The following CSGALNACT1 variants were observed in gnomAD, a reference collection of about 807,000 sequenced individuals.
CSGALNACT1 encodes beta4GalNAcT-1.
In CSGALNACT1, 52 loss-of-function variants were observed where a neutral mutation model predicts 51.0. That is an observed-to-expected ratio of 1.02 (90% CI 0.82 to 1.29). CSGALNACT1 has a LOEUF of 1.29. Ranked by LOEUF, CSGALNACT1 falls within the 50% of genes most tolerant of loss-of-function variation. The pLI is 0.00. For missense variants in CSGALNACT1, 935 were observed against 679.2 expected (o/e 1.38, Z -4.19); for synonymous variants, 341 against 254.4 (o/e 1.34, Z -3.24).
intron 3 of CSGALNACT1, among the ~76,000 whole-genome samples, chr8:19,590,120 C>T (rs2047481542): frequency 6.6e-6 from 1 of 152,172 alleles, no homozygotes; most frequent in African/African-American, 2.4e-5. Context: ...GTGACGTTGT[C>T]ATCTCTCTCT....
chr8:19,423,035 G>C (rs931577912), intron 6 of CSGALNACT1, among the ~76,000 whole-genome samples: 2 of 152,156 alleles, frequency 1.3e-5, no homozygotes, highest in Admixed American at 1.3e-4. Context: ...CAATGTATGA[G>C]CAAGTCCTTC....
intron 3 of CSGALNACT1, among the ~76,000 whole-genome samples, chr8:19,532,732 T>C (rs190228927): frequency 6.6e-6 from 1 of 152,268 alleles, no homozygotes; most frequent in Admixed American, 6.5e-5. Flanking sequence ...CTCTTCCTCA[T>C]CACAGATACA....
chr8:19,430,520 T>A (rs936089764), intron 6 of CSGALNACT1, among the ~76,000 whole-genome samples: 2 of 152,202 alleles, frequency 1.3e-5, no homozygotes, highest in African/African-American at 4.8e-5. Flanking sequence ...CAAATGACCA[T>A]AAATGTATAG....
chr8:19,655,672 C>A (rs2058209475), intron 1 of CSGALNACT1, among the ~76,000 whole-genome samples: 2 of 152,024 alleles, frequency 1.3e-5, no homozygotes, highest in African/African-American at 2.4e-5. Flanking sequence ...CTGCCCTCAG[C>A]CTCTCAAAGT....
At chr8:19,714,532 A>T (rs2062694420) in intron 1 of CSGALNACT1, among the ~76,000 whole-genome samples, 1 of 151,766 alleles carries the variant, frequency 6.6e-6, no homozygotes, top group South Asian at 2.1e-4. Context: ...CAGAGCTCTG[A>T]GGCGTTTGGT....
At chr8:19,493,446 T>C (rs1441394827) in intron 4 of CSGALNACT1, among the ~76,000 whole-genome samples, 1 of 146,880 alleles carries the variant, frequency 6.8e-6, no homozygotes, top group African/African-American at 2.6e-5. Flanking sequence ...GACTATTGCG[T>C]CTTCTCCAAA....
At chr8:19,727,808 G>T (rs1429309771) in intron 1 of CSGALNACT1, among the ~76,000 whole-genome samples, 7 of 152,268 alleles carry the variant, frequency 4.6e-5, no homozygotes, top group Middle Eastern at 3.4e-3. Context: ...GGCCTCAGTT[G>T]TCTCCAGTGG....
chr8:19,571,856 C>T (rs925312942), intron 3 of CSGALNACT1, among the ~76,000 whole-genome samples: 1 of 152,168 alleles, frequency 6.6e-6, no homozygotes, highest in African/African-American at 2.4e-5. Flanking sequence ...TATGACATGC[C>T]TGAATTTCCT....
At chr8:19,553,739 A>G (rs1234392888) in intron 3 of CSGALNACT1, among the ~76,000 whole-genome samples, 1 of 150,422 alleles carries the variant, frequency 6.6e-6, no homozygotes, top group Non-Finnish European at 1.5e-5. Context: ...TTCAATGTAA[A>G]AGAGAAACAA....
rs1347927284 is a variant in CSGALNACT1 at position 19,420,297 on chromosome 8, A to C, written c.1132+43T>G. On this transcript the variant is annotated intron_variant, in intron 7 of 9. Transcript: ENST00000454498. Reference sequence around the variant, plus strand: ...CAAGAGGACGACACATGGGCCCGAGAGGGCTGGGGGCCACCTGAGCGTGAC... The same window carrying C: ...CAAGAGGACGACACATGGGCCCGAGCGGGCTGGGGGCCACCTGAGCGTGAC... 6 of 1,596,886 alleles carry C rather than the reference A, an allele frequency of 3.8e-6. No individual in the cohort carries two copies. In the African/African-American group the frequency reaches 8.1e-5, roughly 21 times the overall value.
intron 4 of CSGALNACT1, among the ~76,000 whole-genome samples, chr8:19,488,884 C>T (rs1485404048): frequency 6.6e-6 from 1 of 152,168 alleles, no homozygotes; most frequent in Non-Finnish European, 1.5e-5. Context: ...GGGATTGTCT[C>T]ATCAATTTTC....
chr8:19,727,317 G>C (rs191709466), intron 1 of CSGALNACT1, among the ~76,000 whole-genome samples: 42 of 127,540 alleles, frequency 3.3e-4, no homozygotes, highest in African/African-American at 1.1e-3. Flanking sequence ...ATTGTGTTTT[G>C]TTTTGTTTGA....
intron 3 of CSGALNACT1, among the ~76,000 whole-genome samples, chr8:19,541,590 G>A (rs2085171971): frequency 1.1e-5 from 1 of 87,540 alleles, no homozygotes; most frequent in African/African-American, 5.6e-5. Context: ...AGTAGAGACA[G>A]GAATTCACCA....
At chr8:19,521,538 C>G (rs1223324946) in intron 3 of CSGALNACT1, among the ~76,000 whole-genome samples, 1 of 152,102 alleles carries the variant, frequency 6.6e-6, no homozygotes, top group Admixed American at 6.6e-5. Flanking sequence ...CAAAAATTAT[C>G]CAAGCTTGGT....
chr8:19,504,034 G>A (rs1419500748), intron 4 of CSGALNACT1, among the ~76,000 whole-genome samples: 1 of 152,208 alleles, frequency 6.6e-6, no homozygotes, highest in East Asian at 1.9e-4. Context: ...AACCAAAGCA[G>A]TGAGTGGTGT....
intron 5 of CSGALNACT1, chr8:19,457,534 A>G (rs2064367502): frequency 2.0e-6 from 1 of 499,344 alleles, no homozygotes; most frequent in East Asian, 6.9e-5. Context: ...AATTACCTGA[A>G]CCTGGGAGGT....
At position 19,458,411 on chromosome 8, in the gene CSGALNACT1, T is replaced by A. The variant is rs1489191567; in HGVS notation, c.851+15A>T. ...CATCATGCGGAGGAAGATAAACACGTGCGAACAAACCAACCTGAAATTCTG... is the reference window on the plus strand; with the variant it reads ...CATCATGCGGAGGAAGATAAACACGAGCGAACAAACCAACCTGAAATTCTG... On this transcript the variant is annotated intron_variant, in intron 5 of 9. Transcript: ENST00000454498. The A allele has an allele frequency of 1.2e-6, 2 of 1,604,036 alleles. No individual in the cohort carries two copies. The highest frequency in any genetic ancestry group is 1.7e-6 in the Non-Finnish European group (2 of 1,170,912).
chr8:19,676,688 C>T (rs772149055), intron 1 of CSGALNACT1, among the ~76,000 whole-genome samples: 22 of 151,842 alleles, frequency 1.4e-4, no homozygotes, highest in Non-Finnish European at 3.1e-4. Flanking sequence ...GGTAAGAACA[C>T]CTATAAATTA....
At chr8:19,438,522 G>A (rs1053871853) in intron 6 of CSGALNACT1, among the ~76,000 whole-genome samples, 8 of 152,176 alleles carry the variant, frequency 5.3e-5, no homozygotes, top group Non-Finnish European at 1.0e-4. Flanking sequence ...ATAGCTTTAA[G>A]TTGTTGCTGG....
Sources: allele counts gnomAD v4.1 joint callset (sites outside exome capture counted in the v4.1 genomes callset), GRCh38; gene constraint gnomAD v4.1.1; transcripts MANE v1.5; gene names NCBI Gene and HGNC (gene_info 2026-07-23, HGNC 2026-07-21).